EP300: variants seen among roughly 807,000 people sequenced by gnomAD.
EP300 encodes the protein EP300 lysine acetyltransferase.
In EP300, 31 loss-of-function variants were observed where a neutral mutation model predicts 264.0. The ratio of observed to expected loss-of-function variants is 0.12; its 90% CI spans 0.09 to 0.16. EP300 has a LOEUF of 0.16. EP300 is among the 10% of genes least tolerant of loss of function. The pLI is 1.00. For missense variants in EP300, 2,766 were observed against 3,052.9 expected, an observed-to-expected ratio of 0.91 and a Z score of 2.21; for synonymous variants, 1,340 against 1,045.4, an observed-to-expected ratio of 1.28 and a Z score of -5.44.
intron 22 of EP300, 142 bp from the exon 23 acceptor site, chr22:41,166,457 T>G (rs1030811869): frequency 3.1e-6 from 2 of 649,100 alleles, no homozygotes; most frequent in Non-Finnish European, 5.4e-6. Flanking sequence ...TTCTAAAAGC[T>G]CTTTGTGTAT....
chr22:41,141,328 TTAAA>T, intron 10 of EP300, 106 bp downstream of exon 10: 1 of 1,266,700 alleles, frequency 7.9e-7, no homozygotes, highest in Non-Finnish European at 1.1e-6. Flanking sequence ...CTAGAGTTTT[TTAAA>T]TAACCATTTG....
At position 41,152,024 on chromosome 22, in the gene EP300, G is replaced by A. The variant is rs372770495; in HGVS notation, c.2997+12G>A. On this transcript the variant is annotated intron_variant, in intron 15 of 30. Transcript: ENST00000263253. ...AGGATATTTCAGAGGTGAGAGTAGG[G>A]CAATTACTGTTTGATTTGGTTAGGA... The A allele has an allele frequency of 4.8e-4, 770 of 1,614,062 alleles. 13 individuals carry two copies. The South Asian group carries it at 7.8e-3, about 16-fold the overall frequency.
In EP300 at chr22:41,169,242, G is replaced by A. The variant is rs34016471; in HGVS notation, c.4173-261G>A. ...ATAGTATAAAGGCAATAATAAAAACGTATAGGGATCACCAAATACTGATTG... is the reference window on the plus strand; with the variant it reads ...ATAGTATAAAGGCAATAATAAAAACATATAGGGATCACCAAATACTGATTG... On this transcript the variant is annotated intron_variant, in intron 25 of 30. Transcript: ENST00000263253. 7.8e-3 allele frequency: 4,379 copies of A among 561,502 alleles called. 28 individuals carry two copies. Among genetic ancestry groups the A allele is most frequent in the Non-Finnish European group, 0.01 (3,298 of 315,324 alleles). 34.8% of individuals were successfully genotyped at this position (561,502 alleles called of 1,614,324 possible).
At position 41,148,090 on chromosome 22, in the gene EP300, C is replaced by T. The variant is rs1439882606; in HGVS notation, c.2241+144C>T. Reference sequence around the variant, plus strand: ...TGTAATTCTTCTGTATTTAACTCTACTAGAAAGCTGACCAAAAAACGAAAA... The same window carrying T: ...TGTAATTCTTCTGTATTTAACTCTATTAGAAAGCTGACCAAAAAACGAAAA... On this transcript the variant is annotated intron_variant, in intron 12 of 30. Coordinates refer to ENST00000263253, the MANE Select transcript of EP300 (RefSeq NM_001429.4). 3 of 689,462 alleles carry T rather than the reference C, an allele frequency of 4.4e-6. No individual in the cohort carries two copies. In the East Asian group the frequency reaches 8.3e-5, roughly 19 times the overall value. The allele number at this position is 689,462 out of a possible 1,614,324, so 42.7% of individuals were successfully genotyped here.
Position 41,178,219 on chromosome 22 carries a change from A to G in EP300, c.6508A>G (p.Met2170Val), listed in dbSNP as rs1419903766. 40 of 1,614,000 alleles carry G rather than the reference A, an allele frequency of 2.5e-5. No homozygotes were observed. The highest frequency in any genetic ancestry group is 3.1e-5 in the Non-Finnish European group (37 of 1,180,036). ...GMSPQAQQMNMNHNTMPSQFR... is the reference protein window; with the variant it reads ...GMSPQAQQMNVNHNTMPSQFR... ...GAGCCCCCAGGCTCAGCAGATGAAC[A>G]TGAACCACAACACCATGCCTTCACA... is the stretch of plus-strand genomic sequence containing the variant. Residue 2170 changes from methionine (M) to valine (V), a missense_variant, in exon 31 of 31, where the codon ATG (methionine) becomes GTG (valine). Physicochemically the swap from Met to Val is conservative, Grantham distance 21 (BLOSUM62 1). Coordinates refer to ENST00000263253, the MANE Select transcript of EP300 (RefSeq NM_001429.4).
At chr22:41,126,589 G>GA (rs1466784929) in intron 3 of EP300, among the ~76,000 whole-genome samples, 3 of 151,968 alleles carry the variant, frequency 2.0e-5, no homozygotes, top group Non-Finnish European at 4.4e-5. Flanking sequence ...AACATTGTCT[G>GA]AAAAAATCCT....
In EP300 at chr22:41,117,948, A is replaced by G. The variant is rs555698166; in HGVS notation, c.729+127A>G. ...CACGCCAGGAATTTACTGTGCTGTC[A>G]TAAGTTTTAAGAAGTGCCTGTATTT... On this transcript the variant is annotated intron_variant, in intron 2 of 30. Transcript: ENST00000263253. The G allele has an allele frequency of 1.6e-4, 233 of 1,480,260 alleles. 2 individuals carry two copies. Among genetic ancestry groups the G allele is most frequent in the African/African-American group, 1.2e-3 (89 of 72,212 alleles). The allele number at this position is 1,480,260 out of a possible 1,614,324, so 91.7% of individuals were successfully genotyped here.
rs748325077 is a variant in EP300 at position 41,178,936 on chromosome 22, A to G, written c.7225A>G (p.Ser2409Gly). 6.2e-7 allele frequency: 1 copy of G among 1,614,070 alleles called. No individual in the cohort carries two copies. The highest frequency in any genetic ancestry group is 8.5e-7 in the Non-Finnish European group (1 of 1,180,030). ...NSDLNSNLSQ[S>G]TLDIH is the part of the protein sequence containing the mutation. ...AGACTTGAATTCAAACCTCTCACAGAGTACACTAGACATACACTAGAGACA... is the reference window on the plus strand; with the variant it reads ...AGACTTGAATTCAAACCTCTCACAGGGTACACTAGACATACACTAGAGACA... Residue 2409 changes from serine to glycine, a missense_variant, in exon 31 of 31, where the codon AGT (serine) becomes GGT (glycine). Transcript: ENST00000263253.
At chr22:41,148,301 C>T (rs1041768144) in intron 12 of EP300, among the ~76,000 whole-genome samples, 1 of 152,170 alleles carries the variant, frequency 6.6e-6, no homozygotes, top group African/African-American at 2.4e-5. Context: ...GCTCCTTATG[C>T]GAACTCTTAA....
At chr22:41,146,266 G>A (rs934531526) in intron 10 of EP300, among the ~76,000 whole-genome samples, 1 of 150,612 alleles carries the variant, frequency 6.6e-6, no homozygotes, top group Admixed American at 6.7e-5. Context: ...CCAGGTTCAT[G>A]CGATTCTCCT....
At chr22:41,158,686 C>G in intron 19 of EP300, 186 bp downstream of exon 19, 1 of 591,174 alleles carries the variant, frequency 1.7e-6, no homozygotes, top group Admixed American at 2.6e-5. Context: ...ATCAGAGTAG[C>G]CTTGCATCAG....
At chr22:41,109,758 T>G (rs1007498522) in intron 1 of EP300, among the ~76,000 whole-genome samples, 1 of 144,566 alleles carries the variant, frequency 6.9e-6, no homozygotes, top group African/African-American at 2.5e-5. Context: ...ATGGAGTTGG[T>G]TTTTTTTTTT....
At chr22:41,168,968 G>T (rs1336143465) in intron 25 of EP300, 101 bp downstream of exon 25, 9 of 1,529,420 alleles carry the variant, frequency 5.9e-6, no homozygotes. Flanking sequence ...AGTGTGTTTG[G>T]TTTGGAAATG....
At chr22:41,103,430 C>G (rs2058742318) in intron 1 of EP300, among the ~76,000 whole-genome samples, 1 of 152,130 alleles carries the variant, frequency 6.6e-6, no homozygotes, top group Non-Finnish European at 1.5e-5. Context: ...GTATACATGT[C>G]CACACAGTTT....
At chr22:41,127,857 T>G in intron 4 of EP300, 109 bp downstream of exon 4, 1 of 1,386,286 alleles carries the variant, frequency 7.2e-7, no homozygotes, top group Non-Finnish European at 1.0e-6. Context: ...AATACCTTAA[T>G]TGTGGTGATG....
intron 28 of EP300, 58 bp from the exon 29 acceptor site, chr22:41,173,565 A>G (rs1393904992): frequency 1.1e-5 from 17 of 1,570,658 alleles, no homozygotes; most frequent in South Asian, 3.4e-5. Flanking sequence ...ATTCTGTGCT[A>G]TTCCCAAATT....
chr22:41,162,838 C>G, intron 21 of EP300, 59 bp downstream of exon 21: 1 of 1,447,926 alleles, frequency 6.9e-7, no homozygotes, highest in Non-Finnish European at 9.7e-7. Flanking sequence ...CCCTTTCATT[C>G]TCTTGAAGTT....
At chr22:41,152,438 A>T (rs2059052064) in intron 16 of EP300, 88 bp downstream of exon 16, 1 of 1,485,632 alleles carries the variant, frequency 6.7e-7, no homozygotes, top group Non-Finnish European at 9.2e-7. Flanking sequence ...TGGGCCTCAG[A>T]AGTTGCCATT....
chr22:41,168,391 C>A, intron 23 of EP300, 58 bp from the exon 24 acceptor site: 1 of 1,596,652 alleles, frequency 6.3e-7, no homozygotes. Flanking sequence ...GAGGTTGAAC[C>A]TTAAGACTAA....
Sources: gnomAD v4.1 joint callset for allele counts (sites outside exome capture counted in the v4.1 genomes callset) on GRCh38, gnomAD v4.1.1 for gene constraint, MANE v1.5 for transcripts, NCBI Gene and HGNC (gene_info 2026-07-23, HGNC 2026-07-21) for gene names.